Variants in PPEF2 observed in about 807,000 individuals in gnomAD.
The protein encoded by PPEF2 is protein phosphatase with EF-hand domain 2.
A neutral mutation model predicts 84.7 loss-of-function variants in PPEF2; 84 were observed. The observed-to-expected ratio is 0.99, with a 90% confidence interval of 0.83 to 1.19. PPEF2 has a LOEUF of 1.19. Among genes scored for constraint, PPEF2 ranks in the 50% most tolerant of loss-of-function variants. The pLI is 0.00. For synonymous variants in PPEF2, 346 were observed against 345.2 expected (o/e 1.00, Z -0.03); for missense variants, 924 against 937.5 (o/e 0.99, Z 0.19).
At chr4:75,870,878 C>CATTTACTTATTT (rs1553907176) in intron 13 of PPEF2, among the ~76,000 whole-genome samples, 5 of 146,594 alleles carry the variant, frequency 3.4e-5, no homozygotes, top group Non-Finnish European at 6.0e-5. Context: ...CAAAAGCTAC[C>CATTTACTTATTT]ATTTATTTAT....
intron 1 of PPEF2, among the ~76,000 whole-genome samples, chr4:75,899,619 A>G (rs1725077338): frequency 6.6e-6 from 1 of 152,102 alleles, no homozygotes; most frequent in South Asian, 2.1e-4. Context: ...ATCAAAATTA[A>G]AGTCTTACCT....
At chr4:75,861,979 G>T (rs1724015744) in intron 16 of PPEF2, among the ~76,000 whole-genome samples, 1 of 150,438 alleles carries the variant, frequency 6.6e-6, no homozygotes, top group African/African-American at 2.4e-5. Context: ...AAAATAAATT[G>T]GACTTTTTCA....
Position 75,896,399 on chromosome 4 carries a change from G to A in PPEF2, c.-58-16C>T, listed in dbSNP as rs1361429844. 2.0e-6 allele frequency: 3 copies of A among 1,522,072 alleles called. No individual in the cohort carries two copies. Among genetic ancestry groups the A allele is most frequent in the Non-Finnish European group, 2.7e-6 (3 of 1,096,512 alleles). The allele number at this position is 1,522,072 out of a possible 1,614,324, so 94.3% of individuals were successfully genotyped here. A position where few individuals can be genotyped will look rare whatever the true frequency, so the allele number is the denominator to read the frequency against. On this transcript the variant is annotated splice_polypyrimidine_tract_variant and intron_variant, in intron 1 of 16. Transcript: ENST00000286719. Reference sequence around the variant, plus strand: ...GAGCTGTTTGCTGACAAAATGAAGAGAGAATCTGTAATAGGAGATGCAGGC... The same window carrying A: ...GAGCTGTTTGCTGACAAAATGAAGAAAGAATCTGTAATAGGAGATGCAGGC...
Position 75,866,293 on chromosome 4 carries a change from G to T in PPEF2, c.1816C>A (p.Pro606Thr), listed in dbSNP as rs762293721. ...AVESVLHLGL[P>T]WRMLRPQLVN... Reference sequence around the variant, plus strand: ...AGCTGTGGCCTCAGCATCCGCCATGGCAGTCCTAGGTGCAACACAGACTCC... The same window carrying T: ...AGCTGTGGCCTCAGCATCCGCCATGTCAGTCCTAGGTGCAACACAGACTCC... The change falls in exon 15 of 17, where the codon CCA becomes ACA. Residue 606 changes from proline (P) to threonine (T), a missense_variant. By Grantham distance (38) the Pro-to-Thr change is conservative. Transcript: ENST00000286719. The T allele has an allele frequency of 9.3e-6, 15 of 1,614,114 alleles. No individual in the cohort carries two copies. The highest frequency in any genetic ancestry group is 1.3e-5 in the Non-Finnish European group (15 of 1,180,016).
At chr4:75,864,676 C>T in intron 15 of PPEF2, 149 bp from the exon 16 acceptor site, 1 of 630,664 alleles carries the variant, frequency 1.6e-6, no homozygotes, top group Admixed American at 2.7e-5. Context: ...CCCAGTTCAG[C>T]CCATCAAATA....
intron 1 of PPEF2, among the ~76,000 whole-genome samples, chr4:75,900,503 G>T (rs964467917): frequency 3.9e-5 from 6 of 152,162 alleles, no homozygotes; most frequent in Non-Finnish European, 8.8e-5. Context: ...GGGAAAAGGG[G>T]TACCTAGCTA....
intron 16 of PPEF2, 100 bp downstream of exon 16, chr4:75,864,340 C>T (rs1724077215): frequency 3.3e-6 from 3 of 922,418 alleles, no homozygotes; most frequent in African/African-American, 1.6e-5. Context: ...CTCCAAATGC[C>T]TGAGTGGAGA....
chr4:75,871,985 T>C, intron 13 of PPEF2, 40 bp downstream of exon 13: 1 of 1,533,448 alleles, frequency 6.5e-7, no homozygotes, highest in Non-Finnish European at 8.8e-7. Flanking sequence ...ATGAACACTA[T>C]AATTTTTTTT....
chr4:75,869,346 A>G (rs1724210362), intron 13 of PPEF2, among the ~76,000 whole-genome samples: 2 of 152,156 alleles, frequency 1.3e-5, no homozygotes, highest in South Asian at 4.1e-4. Flanking sequence ...TAAATCCCTC[A>G]ACACTCATTG....
At chr4:75,894,060 G>A (rs928463816) in intron 2 of PPEF2, among the ~76,000 whole-genome samples, 4 of 152,132 alleles carry the variant, frequency 2.6e-5, no homozygotes, top group African/African-American at 9.7e-5. Context: ...TAGGGTACAA[G>A]TTACAAATAC....
intron 13 of PPEF2, among the ~76,000 whole-genome samples, chr4:75,868,891 C>G (rs1486181727): frequency 6.6e-6 from 1 of 152,110 alleles, no homozygotes; most frequent in Non-Finnish European, 1.5e-5. Flanking sequence ...TGCCTGTAAT[C>G]TCAGTTACTT....
chr4:75,869,155 C>T (rs1474050997), intron 13 of PPEF2, among the ~76,000 whole-genome samples: 1 of 152,140 alleles, frequency 6.6e-6, no homozygotes, highest in Non-Finnish European at 1.5e-5. Flanking sequence ...GTTTAAGAAC[C>T]ACTAGTTAGA....
At position 75,902,247 on chromosome 4, in the gene PPEF2, T is replaced by G. The variant is rs1725138560; in HGVS notation, c.-76A>C. The stretch of plus-strand genomic sequence containing the variant: ...GTTCTTACCTTCTTTGCTGGGTTTT[T>G]TATTTACCATGAGACACAACAAGGC... On this transcript the variant is annotated 5_prime_UTR_variant, in exon 1 of 17. Transcript: ENST00000286719. 6.6e-6 allele frequency: 1 copy of G among 152,252 alleles called. No individual in the cohort carries two copies. Among genetic ancestry groups the G allele is most frequent in the Non-Finnish European group, 1.5e-5 (1 of 68,046 alleles). The allele number at this position is 152,252 out of a possible 1,614,324, so 9.4% of individuals were successfully genotyped here. A position where few individuals can be genotyped will look rare whatever the true frequency, so the allele number is the denominator to read the frequency against.
chr4:75,898,303 G>T (rs925622417), intron 1 of PPEF2, among the ~76,000 whole-genome samples: 9 of 152,194 alleles, frequency 5.9e-5, no homozygotes, highest in East Asian at 3.9e-4. Flanking sequence ...CCAGTTTACG[G>T]CCAGATTTTG....
chr4:75,891,920 C>T lies in PPEF2; in HGVS notation c.114G>A (p.Glu38=), dbSNP rs1198280886. 6.2e-7 allele frequency: 1 copy of T among 1,614,064 alleles called. No individual in the cohort carries two copies. Among genetic ancestry groups the T allele is most frequent in the East Asian group, 2.2e-5 (1 of 44,880 alleles). ...TGCTCCAGGTGCAACGCCGCCTCAT[C>T]TCCAGGCGGGCCACGTAGCGCCGGT... ...RWYRRYVARL[E]MRRRCTWSIF... is the part of the protein sequence containing the mutation. Residue 38 remains glutamate (E), a synonymous_variant, in exon 3 of 17, where the codon GAG becomes GAA. Coordinates refer to ENST00000286719, the MANE Select transcript of PPEF2 (RefSeq NM_006239.3).
In PPEF2 at chr4:75,886,959, T is replaced by C. The variant is rs1578012413; in HGVS notation, c.533-61A>G. ...GTTCCTTACCAGTGCTTCTGATTTT[T>C]ATTATAAGAAAGAAAATACCCAGAA... On this transcript the variant is annotated intron_variant, in intron 6 of 16. Coordinates refer to ENST00000286719, the MANE Select transcript of PPEF2 (RefSeq NM_006239.3). 61 of 919,142 alleles carry C rather than the reference T, an allele frequency of 6.6e-5. No individual in the cohort carries two copies. The East Asian group carries it at 1.6e-3, about 24-fold the overall frequency. The allele number at this position is 919,142 out of a possible 1,614,324, so 56.9% of individuals were successfully genotyped here. A position where few individuals can be genotyped will look rare whatever the true frequency, so the allele number is the denominator to read the frequency against.
chr4:75,871,346 G>A (rs1041273050), intron 13 of PPEF2, among the ~76,000 whole-genome samples: 5 of 152,164 alleles, frequency 3.3e-5, no homozygotes, highest in African/African-American at 1.2e-4. Flanking sequence ...GCTGTGGCTT[G>A]TAGGGGTAAC....
Position 75,860,524 on chromosome 4 carries a change from C to T in PPEF2, c.*143G>A, listed in dbSNP as rs6824610. ...CACAACACCCCAACCCACCCCTCCA[C>T]ACTGAAATACACAGGTGATTCTGAT... On this transcript the variant is annotated 3_prime_UTR_variant, in exon 17 of 17. Transcript: ENST00000286719. The T allele has an allele frequency of 1.8e-6, 2 of 1,104,246 alleles. No individual in the cohort carries two copies. The highest frequency in any genetic ancestry group is 2.5e-6 in the Non-Finnish European group (2 of 785,018). The allele number at this position is 1,104,246 out of a possible 1,614,324, so 68.4% of individuals were successfully genotyped here. A position where few individuals can be genotyped will look rare whatever the true frequency, so the allele number is the denominator to read the frequency against.
chr4:75,866,583 A>C, intron 14 of PPEF2: 1 of 574,566 alleles, frequency 1.7e-6, no homozygotes, highest in Non-Finnish European at 3.1e-6. Context: ...AAAGTATATA[A>C]AAGTGCCAAA....
Sources: allele counts gnomAD v4.1 joint callset (sites outside exome capture counted in the v4.1 genomes callset), GRCh38; gene constraint gnomAD v4.1.1; transcripts MANE v1.5; gene names NCBI Gene and HGNC (gene_info 2026-07-23, HGNC 2026-07-21).